The following KIF15 variants were observed in gnomAD, a reference collection of about 807,000 sequenced individuals.
KIF15 encodes the protein kinesin family member 15, also known as kinesin-like protein KIF15.
KIF15 carries 140 observed loss-of-function variants against 190.6 expected under a neutral mutation model. That is an observed-to-expected ratio of 0.73 (90% CI 0.64 to 0.84). The LOEUF is 0.84. Among genes scored for constraint, KIF15 ranks in the 40% least tolerant of loss-of-function variants. KIF15 has a pLI of 0.00. For synonymous variants in KIF15, 528 were observed against 551.3 expected (o/e 0.96, Z 0.59); for missense variants, 1,372 against 1,584.4 (o/e 0.87, Z 2.28).
chr3:44,848,122 T>C, intron 31 of KIF15, 65 bp downstream of exon 31: 1 of 960,330 alleles, frequency 1.0e-6, no homozygotes, highest in Non-Finnish European at 1.6e-6. Context: ...TTAGTATTTA[T>C]GGTAGTATAT....
rs751824878 is a variant in KIF15, at chr3:44,812,148, A to G, written c.2170-34A>G. 3.4e-6 allele frequency: 5 copies of G among 1,458,544 alleles called. No individual in the cohort carries two copies. In the South Asian group the frequency reaches 5.9e-5, roughly 17 times the overall value. 90.4% of individuals were successfully genotyped at this position (1,458,544 alleles called of 1,614,324 possible). On this transcript the variant is annotated intron_variant, in intron 17 of 34. Transcript: ENST00000326047. ...TGGAATGTTTGAGAATTCCATTAAA[A>G]TAAATTTTGATGACTGAAGTTTTTG...
rs764090870 is a variant in KIF15 at position 44,815,088 on chromosome 3, C to G, written c.2549+12C>G. On this transcript the variant is annotated intron_variant, in intron 20 of 34. Transcript: ENST00000326047. ...TTAGATAATCTCAGGTAGAGTTGTTCTTTTATGGTTTCAAGTTGCCTGATT... is the reference window on the plus strand; with the variant it reads ...TTAGATAATCTCAGGTAGAGTTGTTGTTTTATGGTTTCAAGTTGCCTGATT... 1.9e-6 allele frequency: 3 copies of G among 1,548,240 alleles called. No individual in the cohort carries two copies. Among genetic ancestry groups the G allele is most frequent in the Admixed American group, 2.0e-5 (1 of 49,846 alleles).
intron 7 of KIF15, among the ~76,000 whole-genome samples, chr3:44,793,541 CA>C (rs1706822826): frequency 6.6e-6 from 1 of 152,106 alleles, no homozygotes; most frequent in African/African-American, 2.4e-5. Flanking sequence ...AAAGGGAACA[CA>C]AAGGAAAGGA....
chr3:44,796,749 C>G (rs1707006501), intron 8 of KIF15, among the ~76,000 whole-genome samples: 1 of 152,136 alleles, frequency 6.6e-6, no homozygotes. Flanking sequence ...CCCCACCAAG[C>G]TTCTGTTTTA....
intron 6 of KIF15, chr3:44,861,964 G>GCGACCGCGTACCCTGACA (rs2125738427): frequency 7.1e-7 from 1 of 1,399,810 alleles, no homozygotes; most frequent in Admixed American, 3.4e-5. Flanking sequence ...CGCCGTGTCC[G>GCGACCGCGTACCCTGACA]CGACCGCGTA....
chr3:44,833,255 A>G (rs1425121125), intron 26 of KIF15, among the ~76,000 whole-genome samples: 1 of 152,068 alleles, frequency 6.6e-6, no homozygotes, highest in Non-Finnish European at 1.5e-5. Flanking sequence ...AGTTTAGTGG[A>G]AGACAATTTT....
At chr3:44,837,440 T>C (rs1698375662) in intron 26 of KIF15, among the ~76,000 whole-genome samples, 1 of 152,194 alleles carries the variant, frequency 6.6e-6, no homozygotes, top group Non-Finnish European at 1.5e-5. Flanking sequence ...ATAGATTAAA[T>C]TGTGGTACAT....
intron 12 of KIF15, 95 bp downstream of exon 12, chr3:44,801,621 A>C (rs1297718612): frequency 1.0e-6 from 1 of 961,574 alleles, no homozygotes; most frequent in African/African-American, 1.6e-5. Context: ...AATAATACCA[A>C]GTCAATAAAG....
chr3:44,823,035 G>C (rs1000905700), intron 20 of KIF15, among the ~76,000 whole-genome samples: 1 of 152,192 alleles, frequency 6.6e-6, no homozygotes, highest in African/African-American at 2.4e-5. Flanking sequence ...TTCTCGTCCA[G>C]CTTTGTTCTA....
intron 20 of KIF15, among the ~76,000 whole-genome samples, chr3:44,821,867 A>G (rs1326421080): frequency 6.6e-6 from 1 of 152,244 alleles, no homozygotes; most frequent in Admixed American, 6.5e-5. Flanking sequence ...TCCGTCTGCA[A>G]TCCCGGCACC....
chr3:44,829,056 G>A (rs1697831250), intron 24 of KIF15, among the ~76,000 whole-genome samples: 1 of 150,738 alleles, frequency 6.6e-6, no homozygotes, highest in African/African-American at 2.4e-5. Flanking sequence ...AAATTATAAA[G>A]CCATTAAAAT....
chr3:44,830,515 A>G (rs1206880408), intron 25 of KIF15, among the ~76,000 whole-genome samples: 9 of 152,192 alleles, frequency 5.9e-5, no homozygotes, highest in Admixed American at 5.9e-4. Context: ...ATTGGACATA[A>G]TATCATTTCC....
intron 7 of KIF15, among the ~76,000 whole-genome samples, chr3:44,792,622 C>T (rs1706767503): frequency 6.6e-6 from 1 of 151,184 alleles, no homozygotes; most frequent in Admixed American, 6.6e-5. Flanking sequence ...TCTTGGCTCA[C>T]TGCAACTTCT....
At chr3:44,830,824 A>T in intron 25 of KIF15, 72 bp from the exon 26 acceptor site, 1 of 1,485,694 alleles carries the variant, frequency 6.7e-7, no homozygotes, top group Non-Finnish European at 9.2e-7. Context: ...TGGAACCCAG[A>T]CTCATTCTTG....
At chr3:44,772,010 A>G (rs1279810915) in intron 1 of KIF15, among the ~76,000 whole-genome samples, 1 of 152,242 alleles carries the variant, frequency 6.6e-6, no homozygotes, top group Admixed American at 6.5e-5. Context: ...TGTGAACTAA[A>G]AGGTACCACA....
chr3:44,827,521 A>G lies in KIF15; in HGVS notation c.2849A>G (p.Glu950Gly). 1 of 1,608,866 alleles carries G rather than the reference A, an allele frequency of 6.2e-7. No individual in the cohort carries two copies. The highest frequency in any genetic ancestry group is 8.5e-7 in the Non-Finnish European group (1 of 1,175,494). Residue 950 changes from glutamate (E) to glycine (G), a missense_variant, in exon 23 of 35, where the codon GAG becomes GGG. Coordinates refer to ENST00000326047, the MANE Select transcript of KIF15 (RefSeq NM_020242.3). The part of the protein sequence containing the change: ...QEKQKETAKC[E>G]QQMAKVQKLE... ...AAACAGAAAGAGACGGCCAAGTGTG[A>G]GCAGCAGGTAAAATTCCTGTTACTC...
chr3:44,828,432 AGCC>A, intron 24 of KIF15, 132 bp downstream of exon 24: 1 of 602,852 alleles, frequency 1.7e-6, no homozygotes, highest in African/African-American at 1.9e-5. Flanking sequence ...TATGCAGTTA[AGCC>A]TTGTTCATCC....
At chr3:44,813,775 C>A (rs1276791774) in intron 19 of KIF15, among the ~76,000 whole-genome samples, 1 of 152,022 alleles carries the variant, frequency 6.6e-6, no homozygotes, top group African/African-American at 2.4e-5. Context: ...TATAGGCGTG[C>A]ACCACCAAGC....
At position 44,786,384 on chromosome 3, in the gene KIF15, CT is replaced by C. The variant is rs1559532701; in HGVS notation, c.460-5del. The C allele has an allele frequency of 3.8e-6, 6 of 1,587,616 alleles. No individual in the cohort carries two copies. The highest frequency in any genetic ancestry group is 1.7e-4 in the Middle Eastern group (1 of 5,958). On this transcript the variant is annotated splice_polypyrimidine_tract_variant and intron_variant, in intron 6 of 34. Coordinates refer to ENST00000326047, the MANE Select transcript of KIF15 (RefSeq NM_020242.3). Reference sequence around the variant, plus strand: ...AAAATAATGTATCTAAATGAGGCTTCTTTTTTACAGGCTGGAGCTGGAAAGA... The same window carrying C: ...AAAATAATGTATCTAAATGAGGCTTCTTTTTACAGGCTGGAGCTGGAAAGA...
Sources: gnomAD v4.1 joint callset for allele counts (sites outside exome capture counted in the v4.1 genomes callset) on GRCh38, gnomAD v4.1.1 for gene constraint, MANE v1.5 for transcripts, NCBI Gene and HGNC (gene_info 2026-07-23, HGNC 2026-07-21) for gene names.